Variants in MTMR8 observed in about 807,000 individuals in gnomAD.
The protein encoded by MTMR8 is phosphatidylinositol-3,5-bisphosphate 3-phosphatase MTMR8.
A neutral mutation model predicts 39.3 loss-of-function variants in MTMR8; 65 were observed. The ratio of observed to expected loss-of-function variants is 1.65; its 90% confidence interval spans 1.35 to 2.03. The LOEUF (loss-of-function observed/expected upper bound fraction) is 2.03. Among genes scored for constraint, MTMR8 ranks in the 30% most tolerant of loss-of-function variants. The pLI, the probability that MTMR8 is intolerant of heterozygous loss-of-function variation, is 0.00. For missense variants in MTMR8, 777 were observed against 538.9 expected, an observed-to-expected ratio of 1.44 and a Z score of -4.37; for synonymous variants, 245 against 185.2, an observed-to-expected ratio of 1.32 and a Z score of -2.62.
At chrX:64,359,729 C>T (rs894136253) in intron 1 of MTMR8, among the ~76,000 whole-genome samples, 10 of 110,341 alleles carry the variant, frequency 9.1e-5, no homozygotes, top group African/African-American at 3.3e-4. Flanking sequence ...GAGAGGAAAA[C>T]CCGTATTCTA....
chrX:64,318,453 T>C (rs1185128687), intron 12 of MTMR8, among the ~76,000 whole-genome samples: 2 of 111,410 alleles, frequency 1.8e-5, no homozygotes, highest in Non-Finnish European at 3.8e-5. Flanking sequence ...GTGTTATGTA[T>C]GGGTTGCCAG....
intron 12 of MTMR8, among the ~76,000 whole-genome samples, chrX:64,288,359 C>T (rs1432617240): frequency 2.7e-5 from 3 of 111,293 alleles, no homozygotes; most frequent in Non-Finnish European, 3.8e-5. Flanking sequence ...ATTAAAAAGT[C>T]AGGAAACAAC....
rs140894649 is a variant in MTMR8, at chrX:64,362,207, T to C, written c.25-2680A>G. Among the ~76,000 whole-genome samples, 912 of 108,835 alleles carry C rather than the reference T, an allele frequency of 8.4e-3. 5 individuals carry two copies. Among genetic ancestry groups the C allele is most frequent in the Non-Finnish European group, 0.012 (605 of 52,370 alleles). The allele number at this position is 108,835 out of a possible 115,157, so 94.5% of individuals were successfully genotyped here. On this transcript the variant is annotated intron_variant, in intron 1 of 13. Transcript: ENST00000374852. ...TCTAAAGAAATAATGTCTATGCTCT[T>C]GGATAGGCCAACTTAATATAATAAA...
intron 11 of MTMR8, among the ~76,000 whole-genome samples, chrX:64,329,933 G>A (rs763207539): frequency 9.0e-6 from 1 of 111,575 alleles, no homozygotes; most frequent in Non-Finnish European, 1.9e-5. Flanking sequence ...AAAACCTTGT[G>A]AGATATTTTA....
intron 8 of MTMR8, among the ~76,000 whole-genome samples, chrX:64,343,356 A>G (rs1436438120): frequency 1.8e-5 from 2 of 111,578 alleles, no homozygotes; most frequent in Non-Finnish European, 3.8e-5. Context: ...GAGAGGGTTA[A>G]TCATATTCCC....
At chrX:64,280,615 G>A (rs907396573) in intron 12 of MTMR8, among the ~76,000 whole-genome samples, 4 of 111,520 alleles carry the variant, frequency 3.6e-5, no homozygotes, top group Non-Finnish European at 7.5e-5. Flanking sequence ...AAAGCTGGAA[G>A]CATTCCCTTT....
At chrX:64,352,980 C>G (rs771768541) in intron 4 of MTMR8, among the ~76,000 whole-genome samples, 1 of 111,718 alleles carries the variant, frequency 9.0e-6, no homozygotes, top group Non-Finnish European at 1.9e-5. Context: ...TCACGAAGCG[C>G]TTTATGATAT....
At position 64,350,031 on chromosome X, in the gene MTMR8, A is replaced by G; in HGVS notation, c.508T>C (p.Ser170Pro). The G allele has an allele frequency of 8.4e-7, 1 of 1,188,171 alleles. No individual in the cohort carries two copies. Among genetic ancestry groups the G allele is most frequent in the Non-Finnish European group, 1.1e-6 (1 of 881,373 alleles). Residue 170 changes from serine (S) to proline (P), a missense_variant, in exon 5 of 14, where the codon TCT becomes CCT. By Grantham distance (74) the Ser-to-Pro change is moderately conservative. Transcript: ENST00000374852. ...TYPPEIVVPK[S>P]VTLGTVVGSS... is the part of the protein sequence containing the mutation. ...CCAACCACCGTTCCCAAGGTAACAGATTTAGGAACCACTATTTCAGGAGGG... is the reference window on the plus strand; with the variant it reads ...CCAACCACCGTTCCCAAGGTAACAGGTTTAGGAACCACTATTTCAGGAGGG...
intron 12 of MTMR8, among the ~76,000 whole-genome samples, chrX:64,289,806 A>T (rs1921337249): frequency 9.0e-6 from 1 of 111,029 alleles, no homozygotes; most frequent in Non-Finnish European, 1.9e-5. Flanking sequence ...ATTAAATATT[A>T]TTCAGCCTTA....
intron 12 of MTMR8, among the ~76,000 whole-genome samples, chrX:64,295,804 A>G (rs1921557835): frequency 8.9e-6 from 1 of 112,185 alleles, no homozygotes; most frequent in Admixed American, 9.5e-5. Context: ...ATAAAAGGAA[A>G]AATGCAATTA....
chrX:64,287,395 T>C (rs1358559345), intron 12 of MTMR8, among the ~76,000 whole-genome samples: 1 of 111,364 alleles, frequency 9.0e-6, no homozygotes, highest in East Asian at 2.8e-4. Context: ...CTGCCTAAGG[T>C]AATTTATAGA....
chrX:64,314,641 G>T (rs5918541), intron 12 of MTMR8, among the ~76,000 whole-genome samples: 50 of 112,986 alleles, frequency 4.4e-4, no homozygotes, highest in Non-Finnish European at 9.0e-4. Flanking sequence ...ACTGCTGCTG[G>T]CAGCAGTGGC....
In MTMR8 at chrX:64,268,496, G is replaced by A. The variant is rs1295371079; in HGVS notation, c.*41C>T. The A allele has an allele frequency of 1.7e-6, 2 of 1,157,982 alleles. No homozygotes were observed. Among genetic ancestry groups the A allele is most frequent in the Non-Finnish European group, 2.3e-6 (2 of 869,856 alleles). The stretch of plus-strand genomic sequence containing the variant: ...CCTCTCTGGGACAAGAATCATTGTA[G>A]CTGCTGTAGGTATACCTAGCATGGA... On this transcript the variant is annotated 3_prime_UTR_variant, in exon 14 of 14. Coordinates refer to ENST00000374852, the MANE Select transcript of MTMR8 (RefSeq NM_017677.4).
intron 12 of MTMR8, among the ~76,000 whole-genome samples, chrX:64,312,564 T>C (rs746456729): frequency 1.5e-4 from 17 of 112,528 alleles, no homozygotes; most frequent in Non-Finnish European, 3.0e-4. Context: ...GACATGATTG[T>C]ATATTTAGAA....
At position 64,331,621 on chromosome X, in the gene MTMR8, G is replaced by C. The variant is rs1164747112; in HGVS notation, c.1288C>G (p.His430Asp). Residue 430 changes from histidine to aspartate, a missense_variant, in exon 11 of 14, where the codon CAT (histidine) becomes GAT (aspartate). By Grantham distance (81) the His-to-Asp change is moderately conservative (BLOSUM62 -1). Transcript: ENST00000374852. ...TTTCCAAACTGGCAGGAGAAAACATGGTCATGAATCTCCAGCAGGAAGTTT... is the reference window on the plus strand; with the variant it reads ...TTTCCAAACTGGCAGGAGAAAACATCGTCATGAATCTCCAGCAGGAAGTTT... ...NENFLLEIHD[H>D]VFSCQFGNFL... 8.3e-7 allele frequency: 1 copy of C among 1,210,340 alleles called. No homozygotes were observed. The highest frequency in any genetic ancestry group is 1.1e-6 in the Non-Finnish European group (1 of 894,655).
At position 64,299,322 on chromosome X, in the gene MTMR8, C is replaced by T. The variant is rs1276513782; in HGVS notation, c.1482-28249G>A. 4.8e-5 allele frequency among the ~76,000 whole-genome samples: 4 copies of T among 83,935 alleles called. 1 individual carries two copies. The highest frequency in any genetic ancestry group is 1.4e-4 in the African/African-American group (3 of 21,721). The allele number at this position is 83,935 out of a possible 115,157, so 72.9% of individuals were successfully genotyped here. A position where few individuals can be genotyped will look rare whatever the true frequency, so the allele number is the denominator to read the frequency against. ...TTTAGTCTTGGGAGAGTGTATGTGT[C>T]GAGGAATGTATCCATTTCTTCTAGA... On this transcript the variant is annotated intron_variant, in intron 12 of 13. Transcript: ENST00000374852.
intron 8 of MTMR8, among the ~76,000 whole-genome samples, chrX:64,341,955 G>C (rs780962954): frequency 1.8e-5 from 2 of 112,040 alleles, no homozygotes; most frequent in Non-Finnish European, 3.8e-5. Flanking sequence ...ATTTAAAAAA[G>C]AGAGAGAAAA....
At chrX:64,338,610 T>A (rs151227172) in intron 8 of MTMR8, among the ~76,000 whole-genome samples, 229 of 112,214 alleles carry the variant, frequency 2.0e-3, no homozygotes, top group Non-Finnish European at 3.3e-3. Flanking sequence ...TTTTATCTGA[T>A]GGCAATAGGG....
intron 12 of MTMR8, among the ~76,000 whole-genome samples, chrX:64,272,328 G>T (rs1402884131): frequency 1.8e-5 from 2 of 111,438 alleles, no homozygotes; most frequent in Non-Finnish European, 3.8e-5. Context: ...TTTCAACAAA[G>T]AGACAGAAAA....
Sources: gnomAD v4.1 joint callset for allele counts (sites outside exome capture counted in the v4.1 genomes callset) on GRCh38, gnomAD v4.1.1 for gene constraint, MANE v1.5 for transcripts, NCBI Gene and HGNC (gene_info 2026-07-23, HGNC 2026-07-21) for gene names.